The following CUX1 variants were observed in gnomAD, a reference collection of about 807,000 sequenced individuals.
CUX1 encodes protein CASP.
In CUX1, 31 loss-of-function variants were observed where a neutral mutation model predicts 158.8. The observed-to-expected ratio is 0.20, with a 90% CI of 0.15 to 0.26. The LOEUF (loss-of-function observed/expected upper bound fraction) is 0.26. Ranked by LOEUF, CUX1 falls within the 10% of genes least tolerant of loss-of-function variation. The probability of loss-of-function intolerance (pLI) is 1.00; values close to 1 mark genes in which losing one functional copy is unlikely to be tolerated. For missense variants in CUX1, 1,589 were observed against 2,014.6 expected, an observed-to-expected ratio of 0.79 and a Z score of 4.04; for synonymous variants, 879 against 862.1, an observed-to-expected ratio of 1.02 and a Z score of -0.34.
intron 2 of CUX1, among the ~76,000 whole-genome samples, chr7:101,956,052 CAT>C: frequency 2.8e-5 from 4 of 143,132 alleles, no homozygotes; most frequent in South Asian, 4.4e-4. Context: ...TGAGGTGGCA[CAT>C]GCCTGTAGTC....
In CUX1 at chr7:102,248,868, C is replaced by A. The variant is rs782499410; in HGVS notation, c.4344C>A (p.Ser1448Arg). 1.5e-5 allele frequency: 19 copies of A among 1,306,038 alleles called. No homozygotes were observed. The Admixed American group carries it at 2.6e-4, about 18-fold the overall frequency. The allele number at this position is 1,306,038 out of a possible 1,614,324, so 80.9% of individuals were successfully genotyped here. ...APPPSNSSSSSAPRRPSSLQS... is the reference protein window; with the variant it reads ...APPPSNSSSSRAPRRPSSLQS... ...CGCCCAGCAACAGCAGCAGCAGCAG[C>A]GCCCCCCGCAGGCCCAGCTCGCTGC... The change falls in exon 24 of 24, where the codon AGC (serine) becomes AGA (arginine). Residue 1448 changes from serine (S) to arginine (R), a missense_variant. Physicochemically the swap from Ser to Arg is moderately radical, Grantham distance 110. This residue lies in a region of CUX1 where 344 missense variants were observed against 323.7 expected (regional missense o/e 1.06). Transcript: ENST00000292535. The surrounding 1 kb of genome is among the most constrained non-coding windows in gnomAD (Gnocchi z 5.8).
intron 1 of CUX1, among the ~76,000 whole-genome samples, chr7:101,876,776 A>G (rs1799191469): frequency 1.3e-5 from 2 of 152,184 alleles, no homozygotes; most frequent in African/African-American, 4.8e-5. Flanking sequence ...ATTTGAAGTG[A>G]CATGTTACAT....
intron 2 of CUX1, among the ~76,000 whole-genome samples, chr7:101,947,874 C>T (rs1340620134): frequency 2.6e-5 from 4 of 152,166 alleles, no homozygotes; most frequent in African/African-American, 9.7e-5. Context: ...AGTTCAGCTC[C>T]CAGGAATTGT....
rs1181426638 is a variant in CUX1, at chr7:101,916,914, A to G, written c.141+689A>G. On this transcript the variant is annotated intron_variant, in intron 2 of 23. Coordinates refer to ENST00000292535, the MANE Select transcript of CUX1 (RefSeq NM_181552.4). This position sits in a 1 kb window ranked among gnomAD's most constrained non-coding sequence, Gnocchi z 4.4. ...ACCCTATCAGGGGCTTACTAAGAAA[A>G]AAAAAAAAACATCCAAGCGTGTTGC... Among the ~76,000 whole-genome samples, 1 of 151,736 alleles carries G rather than the reference A, an allele frequency of 6.6e-6. No homozygotes were observed. The highest frequency in any genetic ancestry group is 1.5e-5 in the Non-Finnish European group (1 of 67,946).
At chr7:102,094,287 T>G (rs1828957117) in intron 4 of CUX1, among the ~76,000 whole-genome samples, 1 of 152,246 alleles carries the variant, frequency 6.6e-6, no homozygotes, top group South Asian at 2.1e-4. Context: ...GTTTGGAGTT[T>G]AATGCACAGA....
At chr7:102,104,796 G>C (rs201482) in intron 6 of CUX1, among the ~76,000 whole-genome samples, 25 of 151,870 alleles carry the variant, frequency 1.6e-4, no homozygotes, top group Non-Finnish European at 3.2e-4. Flanking sequence ...TTAGGCTGAG[G>C]CAGGAGACTC....
At chr7:102,282,311 C>T (rs1218896614) in intron 21 of CUX1, among the ~76,000 whole-genome samples, 2 of 152,122 alleles carry the variant, frequency 1.3e-5, no homozygotes, top group African/African-American at 4.8e-5. Context: ...GTGGAGGTGG[C>T]GTTCTAGTTA....
chr7:101,928,731 C>T (rs1585009137), intron 2 of CUX1, among the ~76,000 whole-genome samples: 1 of 146,156 alleles, frequency 6.8e-6, no homozygotes, highest in African/African-American at 2.6e-5. Context: ...AGTGCAGGGG[C>T]GCGATCTCGG....
At chr7:101,827,182 G>A (rs1793398381) in intron 1 of CUX1, among the ~76,000 whole-genome samples, 1 of 151,848 alleles carries the variant, frequency 6.6e-6, no homozygotes, top group African/African-American at 2.4e-5. Flanking sequence ...CCCTTCTGCT[G>A]TTCCCCCTAC....
chr7:102,250,070 AAAAAG>A lies in CUX1; in HGVS notation c.*1035_*1039del, dbSNP rs1409933174. 4.5e-5 allele frequency: 44 copies of A among 985,210 alleles called. No individual in the cohort carries two copies. Among genetic ancestry groups the A allele is most frequent in the East Asian group, 1.1e-4 (1 of 8,802 alleles). The allele number at this position is 985,210 out of a possible 1,614,324, so 61.0% of individuals were successfully genotyped here. A position where few individuals can be genotyped will look rare whatever the true frequency, so the allele number is the denominator to read the frequency against. ...AAAAAAAGAAAAAAAAAGAAAAAAA[AAAAAG>A]AAAAGATCCGAATCTAGGTATTTTA... On this transcript the variant is annotated 3_prime_UTR_variant, in exon 24 of 24. Transcript: ENST00000292535.
chr7:102,150,042 G>A (rs1835463178), intron 8 of CUX1, among the ~76,000 whole-genome samples: 1 of 152,208 alleles, frequency 6.6e-6, no homozygotes, highest in Non-Finnish European at 1.5e-5. Context: ...CCTAACTGGA[G>A]CTTTTCTTTT....
intron 2 of CUX1, among the ~76,000 whole-genome samples, chr7:101,968,933 A>G (rs1196830124): frequency 3.3e-5 from 5 of 152,156 alleles, no homozygotes; most frequent in Non-Finnish European, 5.9e-5. Flanking sequence ...TGGTCAGGCC[A>G]GCTGTGGGCT....
chr7:102,243,634 A>AT (rs1800461995), intron 23 of CUX1, among the ~76,000 whole-genome samples: 2 of 85,698 alleles, frequency 2.3e-5, no homozygotes, highest in Non-Finnish European at 4.4e-5. Context: ...TCTACAGAAA[A>AT]TAATAATAAT....
chr7:101,966,124 G>A (rs1051795545), intron 2 of CUX1, among the ~76,000 whole-genome samples: 1 of 151,918 alleles, frequency 6.6e-6, no homozygotes, highest in African/African-American at 2.4e-5. Context: ...GAGTGCAGTG[G>A]CACCATCAGG....
At position 102,257,054 on chromosome 7, in the gene CUX1, C is replaced by T. The variant is rs113388724; in HGVS notation, c.*8012C>T. The T allele has an allele frequency of 3.8e-3, 3,737 of 985,386 alleles. 121 individuals are homozygous for T. In the African/African-American group the frequency reaches 0.062, roughly 16 times the overall value. 61.0% of individuals were successfully genotyped at this position (985,386 alleles called of 1,614,324 possible). A position where few individuals can be genotyped will look rare whatever the true frequency, so the allele number is the denominator to read the frequency against. On this transcript the variant is annotated 3_prime_UTR_variant, in exon 24 of 24. Coordinates refer to ENST00000292535, the MANE Select transcript of CUX1 (RefSeq NM_181552.4). ...AGATTGCTTGCTGTGGCCCCAAGCT[C>T]AGCCAGCAGGACACCCAGTTGTTGC...
intron 20 of CUX1, among the ~76,000 whole-genome samples, chr7:102,208,400 C>A (rs1796164590): frequency 6.6e-6 from 1 of 152,220 alleles, no homozygotes; most frequent in Admixed American, 6.5e-5. Context: ...TGCGCCAGCA[C>A]ACCCAGCTAG....
chr7:102,134,357 A>G (rs545218266), intron 8 of CUX1, among the ~76,000 whole-genome samples: 1 of 152,310 alleles, frequency 6.6e-6, no homozygotes, highest in African/African-American at 2.4e-5. Context: ...ATTAAAAAAA[A>G]TTGCAATAAC....
At position 102,156,779 on chromosome 7, in the gene CUX1, G is replaced by A. The variant is rs1195108468; in HGVS notation, c.675-1781G>A. Among the ~76,000 whole-genome samples the A allele has an allele frequency of 1.3e-5, 2 of 152,186 alleles. 1 individual carries two copies. The highest frequency in any genetic ancestry group is 2.9e-5 in the Non-Finnish European group (2 of 68,046). On this transcript the variant is annotated intron_variant, in intron 8 of 23. Transcript: ENST00000292535. ...AGACTTGCCCGTCACAGACAGGATG[G>A]GCCACATCCAGGACTCTGGCATCCA...
At position 102,202,119 on chromosome 7, in the gene CUX1, A is replaced by T; in HGVS notation, c.2822A>T (p.Gln941Leu). Residue 941 changes from glutamine (Q) to leucine (L), a missense_variant, in exon 18 of 24, where the codon CAG (glutamine) becomes CTG (leucine). Gln to Leu is a moderately radical substitution (Grantham distance 113). Coordinates refer to ENST00000292535, the MANE Select transcript of CUX1 (RefSeq NM_181552.4). ...TPEQYEVYMY[Q>L]EVDTIELTRQ... ...GAGCAGTACGAGGTCTACATGTACC[A>T]GGAGGTGGACACCATCGAGCTCACC... The T allele has an allele frequency of 6.2e-7, 1 of 1,614,136 alleles. No individual in the cohort carries two copies. Among genetic ancestry groups the T allele is most frequent in the Non-Finnish European group, 8.5e-7 (1 of 1,180,000 alleles).
Sources: allele counts gnomAD v4.1 joint callset (sites outside exome capture counted in the v4.1 genomes callset), GRCh38; gene constraint gnomAD v4.1.1; regional missense constraint gnomAD v4.1.1; non-coding constraint Gnocchi (gnomAD v3.1); transcripts MANE v1.5; gene names NCBI Gene and HGNC (gene_info 2026-07-23, HGNC 2026-07-21).